The following MRPL3 variants were observed in gnomAD, a reference collection of about 807,000 sequenced individuals.
The protein encoded by MRPL3 is mitochondrial ribosomal protein L3, also known as large ribosomal subunit protein uL3m.
MRPL3 carries 43 observed loss-of-function variants against 44.3 expected under a neutral mutation model. The observed-to-expected ratio is 0.97, with a 90% CI of 0.76 to 1.25. MRPL3 has a LOEUF of 1.25. Among genes scored for constraint, MRPL3 ranks in the 50% most tolerant of loss-of-function variants. MRPL3 has a pLI of 0.00. For missense variants in MRPL3, 406 were observed against 427.6 expected (o/e 0.95, Z 0.45); for synonymous variants, 171 against 152.3 (o/e 1.12, Z -0.91).
At chr3:131,494,530 G>C (rs1350033612) in intron 4 of MRPL3, among the ~76,000 whole-genome samples, 1 of 152,020 alleles carries the variant, frequency 6.6e-6, no homozygotes, top group Non-Finnish European at 1.5e-5. Context: ...AGCTTTTTAA[G>C]CATATCTGGA....
intron 6 of MRPL3, among the ~76,000 whole-genome samples, chr3:131,476,619 T>C (rs1200538537): frequency 6.6e-6 from 1 of 152,190 alleles, no homozygotes; most frequent in East Asian, 1.9e-4. Context: ...ATCCCAATTT[T>C]AGTTAGATAT....
chr3:131,501,875 T>C, intron 1 of MRPL3, 160 bp from the exon 2 acceptor site: 1 of 1,541,924 alleles, frequency 6.5e-7, no homozygotes, highest in Non-Finnish European at 8.7e-7. Flanking sequence ...TTTTCCTCAC[T>C]CCCCACATTC....
chr3:131,470,458 T>A (rs1440796712), intron 7 of MRPL3, among the ~76,000 whole-genome samples: 1 of 152,128 alleles, frequency 6.6e-6, no homozygotes, highest in Non-Finnish European at 1.5e-5. Flanking sequence ...CAGGTGAAAC[T>A]CTCAGTGGAA....
At chr3:131,489,640 T>C (rs1698622033) in intron 5 of MRPL3, among the ~76,000 whole-genome samples, 1 of 152,112 alleles carries the variant, frequency 6.6e-6, no homozygotes, top group African/African-American at 2.4e-5. Flanking sequence ...CCAGTTCTTC[T>C]ACCTAAGCAA....
At chr3:131,469,885 C>A in intron 7 of MRPL3, 112 bp from the exon 8 acceptor site, 1 of 660,830 alleles carries the variant, frequency 1.5e-6, no homozygotes, top group South Asian at 2.4e-5. Flanking sequence ...TTATTTTTCC[C>A]CTATTCTGCT....
At chr3:131,472,250 C>G (rs886303823) in intron 6 of MRPL3, among the ~76,000 whole-genome samples, 1 of 152,112 alleles carries the variant, frequency 6.6e-6, no homozygotes, top group African/African-American at 2.4e-5. Flanking sequence ...GGATCTTCAT[C>G]TCAGGGTTGA....
chr3:131,501,928 G>T (rs1210402180), intron 1 of MRPL3: 2 of 1,533,838 alleles, frequency 1.3e-6, no homozygotes, highest in African/African-American at 1.4e-5. Context: ...CGTTACCCTG[G>T]AGAAAAAAAT....
intron 6 of MRPL3, among the ~76,000 whole-genome samples, chr3:131,483,328 T>C (rs909292305): frequency 9.2e-5 from 14 of 152,216 alleles, no homozygotes; most frequent in African/African-American, 2.9e-4. Flanking sequence ...TAAACTACCA[T>C]ATTTCAAAGA....
At chr3:131,497,419 C>T (rs1934394798) in intron 4 of MRPL3, among the ~76,000 whole-genome samples, 1 of 152,142 alleles carries the variant, frequency 6.6e-6, no homozygotes, top group Non-Finnish European at 1.5e-5. Context: ...TTTTGACAGT[C>T]AGAGAGTATG....
At chr3:131,486,304 T>C (rs1371079149) in intron 6 of MRPL3, among the ~76,000 whole-genome samples, 1 of 108,448 alleles carries the variant, frequency 9.2e-6, no homozygotes, top group Middle Eastern at 0.011. Flanking sequence ...CCAAAAGCAA[T>C]GGCAACAAAA....
At chr3:131,470,974 C>A (rs1933728998) in intron 7 of MRPL3, among the ~76,000 whole-genome samples, 197 bp downstream of exon 7, 1 of 152,084 alleles carries the variant, frequency 6.6e-6, no homozygotes, top group African/African-American at 2.4e-5. Context: ...GCTCAGCTAA[C>A]CTTGTGGAAT....
intron 8 of MRPL3, among the ~76,000 whole-genome samples, chr3:131,468,803 G>T (rs1182691013): frequency 6.6e-6 from 1 of 151,366 alleles, no homozygotes; most frequent in Non-Finnish European, 1.5e-5. Flanking sequence ...TAATAGAAGG[G>T]GTAAAAAAAA....
chr3:131,498,658 T>A (rs1397981484), intron 3 of MRPL3, among the ~76,000 whole-genome samples: 1 of 132,056 alleles, frequency 7.6e-6, no homozygotes, highest in Non-Finnish European at 1.5e-5. Flanking sequence ...GCCAAGATCG[T>A]GCCACTGCAC....
intron 6 of MRPL3, among the ~76,000 whole-genome samples, chr3:131,483,549 A>G (rs1208757400): frequency 1.3e-5 from 2 of 152,210 alleles, no homozygotes; most frequent in Non-Finnish European, 2.9e-5. Flanking sequence ...CCCTAACGTG[A>G]CACTGGTAAA....
chr3:131,501,848 T>C, intron 1 of MRPL3, 133 bp from the exon 2 acceptor site: 1 of 1,560,896 alleles, frequency 6.4e-7, no homozygotes, highest in Non-Finnish European at 8.6e-7. Context: ...GTATACCTTT[T>C]TTTCAGGTCT....
At chr3:131,491,560 C>A (rs148102731) in intron 4 of MRPL3, among the ~76,000 whole-genome samples, 1 of 152,220 alleles carries the variant, frequency 6.6e-6, no homozygotes, top group Non-Finnish European at 1.5e-5. Context: ...CTTCCCAGGC[C>A]TTCTTCCAAA....
intron 4 of MRPL3, among the ~76,000 whole-genome samples, chr3:131,493,364 A>G (rs758781495): frequency 5.9e-5 from 9 of 152,230 alleles, no homozygotes; most frequent in Non-Finnish European, 1.2e-4. Flanking sequence ...TTACCAGAGC[A>G]CATTGCTCCT....
intron 6 of MRPL3, among the ~76,000 whole-genome samples, chr3:131,477,161 CTTTCATTGCATGA>C (rs1206058492): frequency 6.6e-6 from 1 of 152,156 alleles, no homozygotes; most frequent in African/African-American, 2.4e-5. Context: ...GAGAAACTGC[CTTTCATTGCATGA>C]TTCTGGATAT....
At chr3:131,490,775 T>C (rs901958447) in intron 4 of MRPL3, among the ~76,000 whole-genome samples, 1 of 152,222 alleles carries the variant, frequency 6.6e-6, no homozygotes, top group African/African-American at 2.4e-5. Flanking sequence ...GGAGAGCTTC[T>C]GGAAAATGCC....
Sources: gnomAD v4.1 joint callset for allele counts (sites outside exome capture counted in the v4.1 genomes callset) on GRCh38, gnomAD v4.1.1 for gene constraint, MANE v1.5 for transcripts, NCBI Gene and HGNC (gene_info 2026-07-23, HGNC 2026-07-21) for gene names.